The following NUP35 variants were observed in gnomAD, a reference collection of about 807,000 sequenced individuals.
NUP35 encodes the protein nucleoporin 35, also known as nucleoporin NUP35.
Under a neutral mutation model 41.5 loss-of-function variants are expected in NUP35, and 25 were observed. The ratio of observed to expected loss-of-function variants is 0.60; its 90% CI spans 0.44 to 0.84. The LOEUF (loss-of-function observed/expected upper bound fraction) is 0.84. NUP35 is among the 40% of genes least tolerant of loss of function. The pLI is 0.00. For synonymous variants in NUP35, 149 were observed against 130.7 expected (o/e 1.14, Z -0.96); for missense variants, 396 against 396.6 (o/e 1.00, Z 0.01).
At chr2:183,125,415 A>C (rs1341280042) in intron 1 of NUP35, among the ~76,000 whole-genome samples, 1 of 149,612 alleles carries the variant, frequency 6.7e-6, no homozygotes. Flanking sequence ...GAGCAAATGT[A>C]ATATATATGG....
At chr2:183,152,273 C>G (rs978598284) in intron 5 of NUP35, among the ~76,000 whole-genome samples, 6 of 151,838 alleles carry the variant, frequency 4.0e-5, no homozygotes. Flanking sequence ...TTTAAAATGC[C>G]TTTTTTTAAA....
intron 3 of NUP35, 21 bp from the exon 4 acceptor site, chr2:183,133,545 C>G: frequency 6.3e-7 from 1 of 1,590,740 alleles, no homozygotes; most frequent in Non-Finnish European, 8.6e-7. Flanking sequence ...TTTACCATAA[C>G]ACTTTCTTCT....
At position 183,136,703 on chromosome 2, in the gene NUP35, TA is replaced by T. The variant is rs564629639; in HGVS notation, c.397+3082del. On this transcript the variant is annotated intron_variant, in intron 4 of 8. Coordinates refer to ENST00000295119, the MANE Select transcript of NUP35 (RefSeq NM_138285.5). ...CCTTATTCTAAAGTCAGCTGAGTAGTAACCCTAAGTTCATCTGCCAAGTTCC... is the reference window on the plus strand; with the variant it reads ...CCTTATTCTAAAGTCAGCTGAGTAGTACCCTAAGTTCATCTGCCAAGTTCC... 7.2e-4 allele frequency among the ~76,000 whole-genome samples: 110 copies of T among 152,338 alleles called. 1 individual carries two copies. Among genetic ancestry groups the T allele is most frequent in the African/African-American group, 2.6e-3 (108 of 41,584 alleles).
At chr2:183,147,052 G>A (rs1414376333) in intron 4 of NUP35, among the ~76,000 whole-genome samples, 1 of 152,106 alleles carries the variant, frequency 6.6e-6, no homozygotes. Flanking sequence ...GCCTGTTCAT[G>A]TCCTTTGCCC....
chr2:183,131,270 T>A (rs1684689310), intron 3 of NUP35: 2 of 159,916 alleles, frequency 1.3e-5, no homozygotes, highest in Non-Finnish European at 2.8e-5. Flanking sequence ...GTAGAAAATT[T>A]AGTAGCTTCA....
At chr2:183,145,151 T>C (rs1245658398) in intron 4 of NUP35, among the ~76,000 whole-genome samples, 1 of 152,234 alleles carries the variant, frequency 6.6e-6, no homozygotes, top group African/African-American at 2.4e-5. Context: ...TATAAATATA[T>C]GCTTCCACTT....
chr2:183,138,540 G>A (rs1684973462), intron 4 of NUP35, among the ~76,000 whole-genome samples: 1 of 151,796 alleles, frequency 6.6e-6, no homozygotes, highest in Non-Finnish European at 1.5e-5. Flanking sequence ...AGTCAAAATA[G>A]GAAATCTGGA....
At chr2:183,133,769 G>A in intron 4 of NUP35, 146 bp downstream of exon 4, 1 of 530,516 alleles carries the variant, frequency 1.9e-6, no homozygotes, top group Non-Finnish European at 3.0e-6. Context: ...AATATAAAAT[G>A]TTTGTTGGTA....
At chr2:183,122,328 G>C (rs533254613), upstream of NUP35, among the ~76,000 whole-genome samples, 2 of 151,644 alleles carry the variant, frequency 1.3e-5, no homozygotes, top group Admixed American at 1.3e-4. Flanking sequence ...CGCCCGCCTT[G>C]GCCTCCCAAA....
chr2:183,130,254 CAG>C, intron 2 of NUP35, among the ~76,000 whole-genome samples, 162 bp from the exon 3 acceptor site: 1 of 152,280 alleles, frequency 6.6e-6, no homozygotes. Flanking sequence ...CCTTCTGAAT[CAG>C]AGTCTGAATT....
Position 183,138,267 on chromosome 2 carries a change from ATATTTT to A in NUP35, c.397+4646_397+4651del, listed in dbSNP as rs1190101883. 2.3e-4 allele frequency among the ~76,000 whole-genome samples: 17 copies of A among 74,046 alleles called. No individual in the cohort carries two copies. The South Asian group carries it at 2.7e-3, about 12-fold the overall frequency. The allele number at this position is 74,046 out of a possible 152,430, so 48.6% of individuals were successfully genotyped here. On this transcript the variant is annotated intron_variant, in intron 4 of 8. Coordinates refer to ENST00000295119, the MANE Select transcript of NUP35 (RefSeq NM_138285.5). ...GAGCTATATATATATATATATATAT[ATATTTT>A]TTTTTTTTTTTAGCTCCTGTATTTA...
chr2:183,158,737 A>G (rs1685764148), intron 7 of NUP35, among the ~76,000 whole-genome samples: 1 of 152,170 alleles, frequency 6.6e-6, no homozygotes, highest in Non-Finnish European at 1.5e-5. Context: ...GTGCAAAGCG[A>G]TACCAGATTC....
At chr2:183,118,049 C>T (rs1039963445) in intron 1 of NUP35, among the ~76,000 whole-genome samples, 1 of 152,122 alleles carries the variant, frequency 6.6e-6, no homozygotes, top group African/African-American at 2.4e-5. Context: ...TTCCTCCCCT[C>T]CCAACTGGGC....
chr2:183,152,156 A>ACACACACACACACAG lies in NUP35; in HGVS notation c.539+507_539+508insCACACACACACACAG, dbSNP rs56941373. Among the ~76,000 whole-genome samples, 567 of 139,734 alleles carry ACACACACACACACAG rather than the reference A, an allele frequency of 4.1e-3. 12 individuals are homozygous for ACACACACACACACAG. Among genetic ancestry groups the ACACACACACACACAG allele is most frequent in the East Asian group, 0.016 (73 of 4,646 alleles). 91.7% of individuals were successfully genotyped at this position (139,734 alleles called of 152,430 possible). On this transcript the variant is annotated intron_variant, in intron 5 of 8. Transcript: ENST00000295119. ...ACACACACACACACACACACACACA[A>ACACACACACACACAG]TGTCACAGGGTTGATACTTTCTGGT...
At chr2:183,128,564 A>G (rs1684581486) in intron 2 of NUP35, 107 bp downstream of exon 2, 2 of 597,020 alleles carry the variant, frequency 3.3e-6, no homozygotes, top group Non-Finnish European at 5.4e-6. Context: ...TGGGCCACAC[A>G]TAAAATACAG....
intron 4 of NUP35, among the ~76,000 whole-genome samples, chr2:183,147,981 A>G (rs1220237717): frequency 6.6e-6 from 1 of 151,066 alleles, no homozygotes; most frequent in Non-Finnish European, 1.5e-5. Flanking sequence ...TCTCAGCTTG[A>G]ATGTTATTGG....
chr2:183,121,846 A>G (rs1412618126), upstream of NUP35, among the ~76,000 whole-genome samples: 1 of 151,602 alleles, frequency 6.6e-6, no homozygotes, highest in Non-Finnish European at 1.5e-5. Context: ...AAATAAATAA[A>G]TAAATAAAAT....
chr2:183,129,218 G>GT (rs748799369), intron 2 of NUP35, among the ~76,000 whole-genome samples: 1 of 82,802 alleles, frequency 1.2e-5, no homozygotes, highest in Non-Finnish European at 2.6e-5. Flanking sequence ...AAGGAAACTT[G>GT]GGGGGGAGGT....
chr2:183,159,058 C>T (rs915096052), intron 7 of NUP35, among the ~76,000 whole-genome samples: 1 of 152,114 alleles, frequency 6.6e-6, no homozygotes. Context: ...TTCTTAAAAT[C>T]TGTTATATCA....
Sources: allele counts gnomAD v4.1 joint callset (sites outside exome capture counted in the v4.1 genomes callset), GRCh38; gene constraint gnomAD v4.1.1; transcripts MANE v1.5; gene names NCBI Gene and HGNC (gene_info 2026-07-23, HGNC 2026-07-21).